CPS1: variants seen among roughly 807,000 people sequenced by gnomAD.
CPS1 encodes carbamoyl-phosphate synthase [ammonia], mitochondrial.
In CPS1, 109 loss-of-function variants were observed where a neutral mutation model predicts 174.6. That is an observed-to-expected ratio of 0.62 (90% CI 0.53 to 0.73). The LOEUF (loss-of-function observed/expected upper bound fraction) is 0.73, where lower values mean the gene tolerates loss of function less well. Among genes scored for constraint, CPS1 ranks in the 30% least tolerant of loss-of-function variants. The pLI is 0.00. For missense variants in CPS1, 1,689 were observed against 1,821.9 expected, an observed-to-expected ratio of 0.93 and a Z score of 1.33; for synonymous variants, 637 against 632.0, an observed-to-expected ratio of 1.01 and a Z score of -0.12.
chr2:210,584,196 T>C (rs1385671351), intron 6 of CPS1, among the ~76,000 whole-genome samples: 1 of 152,084 alleles, frequency 6.6e-6, no homozygotes, highest in Non-Finnish European at 1.5e-5. Context: ...CCTAGGACTA[T>C]GTATTTGGTT....
chr2:210,573,768 G>C lies in CPS1; in HGVS notation c.236+361G>C, dbSNP rs113842778. ...GAAAATCGGAGCAAGGAAAAGAATA[G>C]ATAGTATATTCTAGTGCTATTTCAT... On this transcript the variant is annotated intron_variant, in intron 2 of 37. Transcript: ENST00000233072. Among the ~76,000 whole-genome samples the C allele has an allele frequency of 4.1e-3, 621 of 152,166 alleles. 6 individuals are homozygous for C. Among genetic ancestry groups the C allele is most frequent in the African/African-American group, 0.014 (563 of 41,554 alleles).
intron 28 of CPS1, among the ~76,000 whole-genome samples, chr2:210,651,330 A>C (rs1205128973): frequency 6.6e-6 from 1 of 152,200 alleles, no homozygotes; most frequent in Non-Finnish European, 1.5e-5. Context: ...AGGATGTTTG[A>C]GTGGTAAGAG....
intron 11 of CPS1, chr2:210,593,244 T>C (rs1308193042): frequency 1.4e-6 from 1 of 705,128 alleles, no homozygotes; most frequent in Non-Finnish European, 2.1e-6. Context: ...TTTACAATTG[T>C]TGTACTATGC....
Position 210,612,273 on chromosome 2 carries a change from C to G in CPS1, c.2548C>G (p.Arg850Gly), listed in dbSNP as rs1015051007. 6.2e-7 allele frequency: 1 copy of G among 1,611,798 alleles called. No homozygotes were observed. The highest frequency in any genetic ancestry group is 8.5e-7 in the Non-Finnish European group (1 of 1,178,568). ...AGAGTTGTCTGAACCAAGCAGCACGCGTATCTATGCCATTGCCAAGGTAAG... is the reference window on the plus strand; with the variant it reads ...AGAGTTGTCTGAACCAAGCAGCACGGGTATCTATGCCATTGCCAAGGTAAG... ...RKELSEPSST[R>G]IYAIAKAIDD... Residue 850 changes from arginine (R) to glycine (G), a missense_variant, in exon 20 of 38, where the codon CGT (arginine) becomes GGT (glycine). By Grantham distance (125) the Arg-to-Gly change is moderately radical. Transcript: ENST00000233072.
intron 1 of CPS1, among the ~76,000 whole-genome samples, chr2:210,483,719 C>T (rs772663703): frequency 2.0e-4 from 31 of 152,214 alleles, no homozygotes; most frequent in Non-Finnish European, 3.7e-4. Context: ...TATTTAGGAA[C>T]ACAGTTCAAA....
chr2:210,495,548 G>A (rs1694972254), intron 1 of CPS1, among the ~76,000 whole-genome samples: 1 of 152,108 alleles, frequency 6.6e-6, no homozygotes, highest in African/African-American at 2.4e-5. Flanking sequence ...TTCTTCTTGT[G>A]GTAGGAAATA....
intron 6 of CPS1, among the ~76,000 whole-genome samples, chr2:210,587,139 C>T (rs774747627): frequency 2.6e-5 from 4 of 151,666 alleles, no homozygotes; most frequent in Non-Finnish European, 5.9e-5. Context: ...ATATTTTTTC[C>T]TCAACTACAG....
intron 29 of CPS1, among the ~76,000 whole-genome samples, chr2:210,654,508 C>T (rs1700650069): frequency 6.6e-6 from 1 of 152,116 alleles, no homozygotes; most frequent in African/African-American, 2.4e-5. Context: ...ATCCTCCTCC[C>T]TTTTTATTGG....
upstream of CPS1, chr2:210,555,736 G>T (rs888588182): frequency 2.2e-6 from 1 of 448,270 alleles, no homozygotes; most frequent in Non-Finnish European, 4.5e-6. Flanking sequence ...GTTCTACATA[G>T]TCATGTGACT....
At chr2:210,492,188 T>C (rs142709475) in intron 1 of CPS1, among the ~76,000 whole-genome samples, 91 of 152,342 alleles carry the variant, frequency 6.0e-4, no homozygotes, top group African/African-American at 2.1e-3. Context: ...CAAAATAAGT[T>C]ATAAGATATA....
chr2:210,599,477 C>T lies in CPS1; in HGVS notation c.1465C>T (p.Pro489Ser). Residue 489 changes from proline (P) to serine (S), a missense_variant, in exon 14 of 38, where the codon CCT becomes TCT. By Grantham distance (74) the Pro-to-Ser change is moderately conservative. Transcript: ENST00000233072. ...ADTVYFLPITPQFVTEVIKAE... is the reference protein window; with the variant it reads ...ADTVYFLPITSQFVTEVIKAE... ...TACTGTCTACTTTCTTCCCATCACC[C>T]CTCAGTTTGTCACAGAGGTCATCAA... 2 of 1,612,576 alleles carry T rather than the reference C, an allele frequency of 1.2e-6. No individual in the cohort carries two copies. Among genetic ancestry groups the T allele is most frequent in the Non-Finnish European group, 1.7e-6 (2 of 1,179,084 alleles).
At chr2:210,512,671 A>G (rs1574481558) in intron 1 of CPS1, among the ~76,000 whole-genome samples, 1 of 145,848 alleles carries the variant, frequency 6.9e-6, no homozygotes, top group Admixed American at 7.0e-5. Context: ...GAACATGTGT[A>G]TGCATGTGTC....
At chr2:210,641,654 A>G (rs1700229498) in intron 24 of CPS1, among the ~76,000 whole-genome samples, 2 of 152,166 alleles carry the variant, frequency 1.3e-5, no homozygotes, top group Admixed American at 1.3e-4. Flanking sequence ...CTTCCTTTTC[A>G]AATTTTACCT....
At position 210,637,743 on chromosome 2, in the gene CPS1, T is replaced by C. The variant is rs368502682; in HGVS notation, c.2729T>C (p.Ile910Thr). The change falls in exon 22 of 38, where the codon ATT becomes ACT. Residue 910 changes from isoleucine (I) to threonine (T), a missense_variant. Coordinates refer to ENST00000233072, the MANE Select transcript of CPS1 (RefSeq NM_001875.5). Reference protein sequence around the residue: ...TEETLKRAKEIGFSDKQISKC... With the variant: ...TEETLKRAKETGFSDKQISKC... ...GAAACCCTGAAAAGGGCAAAGGAGA[T>C]TGGGTTCTCAGATAAGCAGATTTCA... 6.2e-7 allele frequency: 1 copy of C among 1,613,890 alleles called. No individual in the cohort carries two copies. The highest frequency in any genetic ancestry group is 8.5e-7 in the Non-Finnish European group (1 of 1,179,936).
intron 29 of CPS1, among the ~76,000 whole-genome samples, chr2:210,655,868 C>T (rs1700689025): frequency 1.3e-5 from 2 of 152,306 alleles, no homozygotes; most frequent in South Asian, 2.1e-4. Context: ...TTCCCAAGGA[C>T]ACACATATTA....
intron 19 of CPS1, among the ~76,000 whole-genome samples, chr2:210,611,340 T>C (rs1294824031): frequency 6.6e-6 from 1 of 151,990 alleles, no homozygotes; most frequent in East Asian, 1.9e-4. Flanking sequence ...ACTGCTATTA[T>C]TTTAAATTGG....
intron 21 of CPS1, among the ~76,000 whole-genome samples, chr2:210,622,891 T>C (rs1452825144): frequency 6.6e-6 from 1 of 152,056 alleles, no homozygotes; most frequent in African/African-American, 2.4e-5. Context: ...CTTATTTTGT[T>C]TTTTTGGTTT....
intron 34 of CPS1, chr2:210,674,623 C>T: frequency 4.4e-6 from 2 of 456,562 alleles, no homozygotes; most frequent in Non-Finnish European, 4.0e-6. Flanking sequence ...TGGATCTGAA[C>T]TTACAAAGAC....
At chr2:210,493,456 G>A (rs1420852833) in intron 1 of CPS1, among the ~76,000 whole-genome samples, 9 of 152,214 alleles carry the variant, frequency 5.9e-5, no homozygotes, top group Non-Finnish European at 4.4e-5. Context: ...GTGTTTCTGA[G>A]TGAGATGAAC....
Sources: allele counts gnomAD v4.1 joint callset (sites outside exome capture counted in the v4.1 genomes callset), GRCh38; gene constraint gnomAD v4.1.1; transcripts MANE v1.5; gene names NCBI Gene and HGNC (gene_info 2026-07-23, HGNC 2026-07-21).